The following SPATA17 variants were observed in gnomAD, a reference collection of about 807,000 sequenced individuals.
The protein encoded by SPATA17 is spermatogenesis associated 17.
A neutral mutation model predicts 62.2 loss-of-function variants in SPATA17; 53 were observed. That is an observed-to-expected ratio of 0.85 (90% CI 0.68 to 1.07). The LOEUF (loss-of-function observed/expected upper bound fraction) is 1.07, where lower values mean the gene tolerates loss of function less well. Ranked by LOEUF, SPATA17 falls within the 50% of genes least tolerant of loss-of-function variation. The pLI is 0.00. For synonymous variants in SPATA17, 146 were observed against 146.8 expected (o/e 0.99, Z 0.04); for missense variants, 466 against 425.5 (o/e 1.10, Z -0.84).
chr1:217,835,636 C>T (rs1675245904), intron 9 of SPATA17, among the ~76,000 whole-genome samples: 1 of 152,082 alleles, frequency 6.6e-6, no homozygotes, highest in Non-Finnish European at 1.5e-5. Flanking sequence ...TCTTACCATG[C>T]TGTCCTGATA....
chr1:217,735,149 C>T (rs1672483307), intron 5 of SPATA17, among the ~76,000 whole-genome samples: 1 of 152,170 alleles, frequency 6.6e-6, no homozygotes, highest in African/African-American at 2.4e-5. Flanking sequence ...AGGGGCACAT[C>T]AATGAATAAA....
intron 6 of SPATA17, among the ~76,000 whole-genome samples, chr1:217,753,722 A>G (rs752137832): frequency 6.6e-6 from 1 of 152,106 alleles, no homozygotes; most frequent in African/African-American, 2.4e-5. Flanking sequence ...AAATACAAAC[A>G]TATATAAAAT....
Position 217,869,368 on chromosome 1 carries a change from C to G in SPATA17, c.*2349C>G, listed in dbSNP as rs1406427368. 1 of 152,122 alleles carries G rather than the reference C, an allele frequency of 6.6e-6. No individual in the cohort carries two copies. The highest frequency in any genetic ancestry group is 2.1e-4 in the South Asian group (1 of 4,830). The allele number at this position is 152,122 out of a possible 1,614,324, so 9.4% of individuals were successfully genotyped here. A position where few individuals can be genotyped will look rare whatever the true frequency, so the allele number is the denominator to read the frequency against. ...GACCAAGGTTCTCATGCAGATGAAGCCTCCAGGTGGCAGACTTCAGAGAGC... is the reference window on the plus strand; with the variant it reads ...GACCAAGGTTCTCATGCAGATGAAGGCTCCAGGTGGCAGACTTCAGAGAGC... On this transcript the variant is annotated 3_prime_UTR_variant, in exon 11 of 11. Transcript: ENST00000366933.
chr1:217,672,221 T>C (rs1670848368), intron 4 of SPATA17, among the ~76,000 whole-genome samples: 1 of 152,240 alleles, frequency 6.6e-6, no homozygotes, highest in African/African-American at 2.4e-5. Flanking sequence ...AGCTGAAGTT[T>C]TATTTCTAAT....
At chr1:217,641,745 T>C (rs1443586798) in intron 1 of SPATA17, among the ~76,000 whole-genome samples, 1 of 152,160 alleles carries the variant, frequency 6.6e-6, no homozygotes, top group Non-Finnish European at 1.5e-5. Context: ...TGTCCCATTG[T>C]GCCCCAAATT....
rs546065772 is a variant in SPATA17, at chr1:217,727,869, C to A, written c.396-14106C>A. Among the ~76,000 whole-genome samples, 11 of 152,256 alleles carry A rather than the reference C, an allele frequency of 7.2e-5. No homozygotes were observed. In the South Asian group the frequency reaches 2.1e-3, roughly 29 times the overall value. ...AGTCAAGTTACTTACTATCTCTGCA[C>A]CTCACTTTTTCCATCTGCAAAAATA... On this transcript the variant is annotated intron_variant, in intron 5 of 10. Coordinates refer to ENST00000366933, the MANE Select transcript of SPATA17 (RefSeq NM_138796.4).
chr1:217,646,120 A>G (rs1319292892), intron 1 of SPATA17, among the ~76,000 whole-genome samples: 1 of 152,100 alleles, frequency 6.6e-6, no homozygotes, highest in Non-Finnish European at 1.5e-5. Context: ...CTGAAAACCA[A>G]GGCCTTTTGC....
At chr1:217,720,832 C>A (rs1449095104) in intron 5 of SPATA17, among the ~76,000 whole-genome samples, 2 of 152,064 alleles carry the variant, frequency 1.3e-5, no homozygotes, top group Non-Finnish European at 2.9e-5. Flanking sequence ...ATCCTCTCCC[C>A]ACACATTAAT....
intron 5 of SPATA17, among the ~76,000 whole-genome samples, chr1:217,693,477 G>T (rs1671387321): frequency 7.2e-6 from 1 of 139,782 alleles, no homozygotes; most frequent in South Asian, 2.5e-4. Flanking sequence ...AGGGTTTTTT[G>T]TGTCTTTATT....
chr1:217,828,276 CAT>C (rs1264817697), intron 9 of SPATA17, among the ~76,000 whole-genome samples: 1 of 151,592 alleles, frequency 6.6e-6, no homozygotes, highest in Non-Finnish European at 1.5e-5. Flanking sequence ...TAAATTGAAA[CAT>C]ATGTGGTCAA....
At chr1:217,688,418 T>C (rs374718651) in intron 5 of SPATA17, among the ~76,000 whole-genome samples, 3 of 152,214 alleles carry the variant, frequency 2.0e-5, no homozygotes, top group East Asian at 1.9e-4. Context: ...AGTTCTCTTT[T>C]CTTTTGGTTT....
At chr1:217,744,634 A>G (rs559317455) in intron 6 of SPATA17, among the ~76,000 whole-genome samples, 3 of 152,134 alleles carry the variant, frequency 2.0e-5, no homozygotes, top group Non-Finnish European at 2.9e-5. Context: ...GCTGCTGATA[A>G]TATCAATGTA....
chr1:217,632,720 A>C (rs966821506), intron 1 of SPATA17, among the ~76,000 whole-genome samples: 1 of 152,354 alleles, frequency 6.6e-6, no homozygotes, highest in East Asian at 1.9e-4. Context: ...GACTCACATT[A>C]ATGAATTTTT....
At chr1:217,634,317 A>G (rs1021926970) in intron 1 of SPATA17, among the ~76,000 whole-genome samples, 5 of 152,194 alleles carry the variant, frequency 3.3e-5, no homozygotes, top group Admixed American at 2.0e-4. Context: ...TTAGGGGATC[A>G]GAGTTTTTAA....
intron 5 of SPATA17, among the ~76,000 whole-genome samples, chr1:217,696,366 G>A (rs954003961): frequency 2.6e-5 from 4 of 152,110 alleles, no homozygotes; most frequent in African/African-American, 7.2e-5. Flanking sequence ...CACAGTGCGC[G>A]CACCCACTGG....
chr1:217,636,774 A>G (rs1250854354), intron 1 of SPATA17, among the ~76,000 whole-genome samples: 1 of 152,084 alleles, frequency 6.6e-6, no homozygotes, highest in Admixed American at 6.5e-5. Context: ...TATTTTTCCC[A>G]TTTCTACTTT....
intron 6 of SPATA17, among the ~76,000 whole-genome samples, chr1:217,762,381 T>G (rs1673191267): frequency 6.6e-6 from 1 of 152,198 alleles, no homozygotes; most frequent in Non-Finnish European, 1.5e-5. Context: ...TTCTACCTTC[T>G]CTGACTTGGT....
At chr1:217,705,660 T>C (rs569304232) in intron 5 of SPATA17, among the ~76,000 whole-genome samples, 17 of 151,930 alleles carry the variant, frequency 1.1e-4, no homozygotes, top group Admixed American at 1.1e-3. Context: ...AAGATGGCCT[T>C]GATTTCTTGA....
chr1:217,711,569 A>T (rs190488536), intron 5 of SPATA17, among the ~76,000 whole-genome samples: 1 of 152,322 alleles, frequency 6.6e-6, no homozygotes, highest in Admixed American at 6.5e-5. Context: ...TCATCTTTAT[A>T]TTGGAGCACC....
Sources: gnomAD v4.1 joint callset for allele counts (sites outside exome capture counted in the v4.1 genomes callset) on GRCh38, gnomAD v4.1.1 for gene constraint, MANE v1.5 for transcripts, NCBI Gene and HGNC (gene_info 2026-07-23, HGNC 2026-07-21) for gene names.